Variants in LMX1B observed in about 807,000 individuals in gnomAD.
LMX1B encodes the protein LIM homeobox transcription factor 1-beta.
A neutral mutation model predicts 51.4 loss-of-function variants in LMX1B; 12 were observed. That is an observed-to-expected ratio of 0.23 (90% CI 0.15 to 0.38). The LOEUF is 0.38. LMX1B is among the 10% of genes least tolerant of loss of function. The pLI is 1.00. For synonymous variants in LMX1B, 237 were observed against 235.4 expected, an observed-to-expected ratio of 1.01 and a Z score of -0.06; for missense variants, 445 against 571.1, an observed-to-expected ratio of 0.78 and a Z score of 2.25.
chr9:126,696,291 C>T lies in LMX1B; in HGVS notation c.1052-3C>T. The T allele has an allele frequency of 3.1e-6, 5 of 1,614,022 alleles. No individual in the cohort carries two copies. Among genetic ancestry groups the T allele is most frequent in the Non-Finnish European group, 4.2e-6 (5 of 1,179,916 alleles). On this transcript the variant is annotated splice_region_variant and splice_polypyrimidine_tract_variant and intron_variant, in intron 7 of 7. Coordinates refer to ENST00000373474, the MANE Select transcript of LMX1B (RefSeq NM_001174147.2). ...CGGTCCTGACACCCCTTCTGCCCCCCAGGGAACGACTCCATCTTCCATGAC... is the reference window on the plus strand; with the variant it reads ...CGGTCCTGACACCCCTTCTGCCCCCTAGGGAACGACTCCATCTTCCATGAC...
chr9:126,617,173 G>A (rs1419481451), intron 2 of LMX1B, among the ~76,000 whole-genome samples: 1 of 152,168 alleles, frequency 6.6e-6, no homozygotes, highest in Admixed American at 6.5e-5. Context: ...ATGTGGCTGT[G>A]GGCTCTGGGC....
Position 126,625,781 on chromosome 9 carries a change from C to G in LMX1B, c.326+10212C>G, listed in dbSNP as rs938076378. Among the ~76,000 whole-genome samples, 4 of 152,228 alleles carry G rather than the reference C, an allele frequency of 2.6e-5. No individual in the cohort carries two copies. Among genetic ancestry groups the G allele is most frequent in the Non-Finnish European group, 4.4e-5 (3 of 68,030 alleles). On this transcript the variant is annotated intron_variant, in intron 2 of 7. Transcript: ENST00000373474. This position sits in a 1 kb window ranked among gnomAD's most constrained non-coding sequence, Gnocchi z 5.3. Reference sequence around the variant, plus strand: ...GCGCTCTGGCCGCAGAGACCCAGCCCTGTCTGCCGACTGGCCCTTCGACGT... The same window carrying G: ...GCGCTCTGGCCGCAGAGACCCAGCCGTGTCTGCCGACTGGCCCTTCGACGT...
chr9:126,683,500 C>T (rs924894384), intron 2 of LMX1B, among the ~76,000 whole-genome samples: 4 of 152,202 alleles, frequency 2.6e-5, no homozygotes, highest in Admixed American at 6.5e-5. Context: ...AAGTGACAGG[C>T]TGACTCTAGC....
intron 2 of LMX1B, among the ~76,000 whole-genome samples, chr9:126,640,058 G>A (rs1222518654): frequency 1.3e-5 from 2 of 152,206 alleles, no homozygotes; most frequent in African/African-American, 4.8e-5. Flanking sequence ...TGGCGGGATG[G>A]CCCAGATTTT....
At position 126,615,725 on chromosome 9, in the gene LMX1B, G is replaced by C. The variant is rs1835291805; in HGVS notation, c.326+156G>C. Among the ~76,000 whole-genome samples the C allele has an allele frequency of 1.3e-5, 2 of 152,042 alleles. No individual in the cohort carries two copies. Among genetic ancestry groups the C allele is most frequent in the Non-Finnish European group, 2.9e-5 (2 of 67,994 alleles). Reference sequence around the variant, plus strand: ...CCGAGAGCTGCGCGTCTTGGGGCTGGGGCGGACCAGCCCAGCCCAGCGGGC... The same window carrying C: ...CCGAGAGCTGCGCGTCTTGGGGCTGCGGCGGACCAGCCCAGCCCAGCGGGC... On this transcript the variant is annotated intron_variant, in intron 2 of 7. Transcript: ENST00000373474. The surrounding 1 kb of genome is among the most constrained non-coding windows in gnomAD (Gnocchi z 6.0).
At chr9:126,665,295 C>A (rs1032315074) in intron 2 of LMX1B, among the ~76,000 whole-genome samples, 11 of 152,218 alleles carry the variant, frequency 7.2e-5, no homozygotes, top group African/African-American at 2.2e-4. Flanking sequence ...GTTGGGCCTC[C>A]CCCTGGAGCC....
intron 2 of LMX1B, among the ~76,000 whole-genome samples, chr9:126,645,614 C>G (rs1283392448): frequency 6.6e-6 from 1 of 151,750 alleles, no homozygotes; most frequent in East Asian, 1.9e-4. Flanking sequence ...CAGTGTAGAT[C>G]CCTTAAGTCA....
intron 2 of LMX1B, among the ~76,000 whole-genome samples, chr9:126,665,632 C>T (rs961225580): frequency 6.6e-6 from 1 of 152,208 alleles, no homozygotes; most frequent in Non-Finnish European, 1.5e-5. Flanking sequence ...CTGATCTGGA[C>T]CACTCCTTCC....
rs1006033757 is a variant in LMX1B at position 126,695,094 on chromosome 9, C to T, written c.887-745C>T. On this transcript the variant is annotated intron_variant, in intron 6 of 7. Coordinates refer to ENST00000373474, the MANE Select transcript of LMX1B (RefSeq NM_001174147.2). The surrounding 1 kb of genome is among the most constrained non-coding windows in gnomAD (Gnocchi z 5.2). Reference sequence around the variant, plus strand: ...GAGTGAAGTCTTCTCATGTCTCTCGCACCCTCCTAGGAGCTGTCTCTCCCA... The same window carrying T: ...GAGTGAAGTCTTCTCATGTCTCTCGTACCCTCCTAGGAGCTGTCTCTCCCA... Among the ~76,000 whole-genome samples, 3 of 152,166 alleles carry T rather than the reference C, an allele frequency of 2.0e-5. No individual in the cohort carries two copies. The highest frequency in any genetic ancestry group is 4.8e-5 in the African/African-American group (2 of 41,426).
At chr9:126,653,416 G>A (rs1836057977) in intron 2 of LMX1B, among the ~76,000 whole-genome samples, 1 of 151,976 alleles carries the variant, frequency 6.6e-6, no homozygotes, top group South Asian at 2.1e-4. Flanking sequence ...TTGACCTCCC[G>A]AAGTGTTGGG....
intron 2 of LMX1B, among the ~76,000 whole-genome samples, chr9:126,685,941 G>A (rs892542845): frequency 1.3e-5 from 2 of 152,120 alleles, no homozygotes; most frequent in African/African-American, 4.8e-5. Flanking sequence ...CATGCAGTCT[G>A]GACCTTAAGA....
Position 126,696,016 on chromosome 9 carries a change from A to ACCGGGGC in LMX1B, c.1051+15_1051+16insGGGGCCC. ...ATGAACCCCTATGGTAAGCCGCCCT[A>ACCGGGGC]CCCCCACCCGCCCGCCCCAGCACAG... On this transcript the variant is annotated intron_variant, in intron 7 of 7. Coordinates refer to ENST00000373474, the MANE Select transcript of LMX1B (RefSeq NM_001174147.2). The ACCGGGGC allele has an allele frequency of 6.6e-7, 1 of 1,512,690 alleles. No homozygotes were observed. Among genetic ancestry groups the ACCGGGGC allele is most frequent in the East Asian group, 2.4e-5 (1 of 41,104 alleles). 93.7% of individuals were successfully genotyped at this position (1,512,690 alleles called of 1,614,324 possible).
chr9:126,615,453 A>C lies in LMX1B; in HGVS notation c.210A>C (p.Arg70=), dbSNP rs374685767. The part of the protein sequence containing the change: ...QRPISDRFLM[R]VNESSWHEEC... Reference sequence around the variant, plus strand: ...CCATCTCCGACCGCTTCCTGATGCGAGTCAACGAGTCGTCCTGGCACGAGG... The same window carrying C: ...CCATCTCCGACCGCTTCCTGATGCGCGTCAACGAGTCGTCCTGGCACGAGG... The change falls in exon 2 of 8, where the codon CGA becomes CGC. Residue 70 remains arginine, a synonymous_variant. Transcript: ENST00000373474. The surrounding 1 kb of genome is among the most constrained non-coding windows in gnomAD (Gnocchi z 6.0). The C allele has an allele frequency of 5.0e-6, 8 of 1,609,354 alleles. No homozygotes were observed. In the African/African-American group the frequency reaches 1.1e-4, roughly 22 times the overall value.
chr9:126,618,862 C>T lies in LMX1B; in HGVS notation c.326+3293C>T, dbSNP rs776033011. Among the ~76,000 whole-genome samples the T allele has an allele frequency of 1.3e-5, 2 of 152,082 alleles. No homozygotes were observed. Among genetic ancestry groups the T allele is most frequent in the Non-Finnish European group, 1.5e-5 (1 of 68,006 alleles). On this transcript the variant is annotated intron_variant, in intron 2 of 7. Transcript: ENST00000373474. The surrounding 1 kb of genome is among the most constrained non-coding windows in gnomAD (Gnocchi z 4.5). ...TGGAGTCTAATCGCTTGTAAGACAG[C>T]TCCCAGGTTTGGCGACCCGAGACCC...
At position 126,671,770 on chromosome 9, in the gene LMX1B, G is replaced by T. The variant is rs1836457718; in HGVS notation, c.327-19066G>T. On this transcript the variant is annotated intron_variant, in intron 2 of 7. Coordinates refer to ENST00000373474, the MANE Select transcript of LMX1B (RefSeq NM_001174147.2). The surrounding 1 kb of genome is among the most constrained non-coding windows in gnomAD (Gnocchi z 4.4). ...AATATCCTGTGGGCTTACTCGGGGA[G>T]AGTGAGCGAGCCAGCTCCCTCCAGG... Among the ~76,000 whole-genome samples the T allele has an allele frequency of 6.6e-6, 1 of 152,252 alleles. No individual in the cohort carries two copies. Among genetic ancestry groups the T allele is most frequent in the South Asian group, 2.1e-4 (1 of 4,822 alleles).
chr9:126,616,613 G>A (rs1229333860), intron 2 of LMX1B, among the ~76,000 whole-genome samples: 1 of 152,224 alleles, frequency 6.6e-6, no homozygotes, highest in African/African-American at 2.4e-5. Flanking sequence ...CTGCAGAGCG[G>A]GTAGGCTGCT....
At position 126,641,524 on chromosome 9, in the gene LMX1B, T is replaced by C. The variant is rs1835807908; in HGVS notation, c.326+25955T>C. 6.6e-6 allele frequency among the ~76,000 whole-genome samples: 1 copy of C among 152,044 alleles called. No individual in the cohort carries two copies. The highest frequency in any genetic ancestry group is 2.1e-4 in the South Asian group (1 of 4,824). On this transcript the variant is annotated intron_variant, in intron 2 of 7. Transcript: ENST00000373474. This position sits in a 1 kb window ranked among gnomAD's most constrained non-coding sequence, Gnocchi z 4.1. ...TTAGCCATGGTGCCTGATAGTATGG[T>C]CTTCTCGGGCCTGAGCTGGGCTGGG...
chr9:126,622,316 G>A (rs1455886799), intron 2 of LMX1B, among the ~76,000 whole-genome samples: 1 of 152,204 alleles, frequency 6.6e-6, no homozygotes, highest in Non-Finnish European at 1.5e-5. Flanking sequence ...CTTCCTGGCC[G>A]GGCCAGTGCT....
chr9:126,640,234 G>A (rs1052439809), intron 2 of LMX1B, among the ~76,000 whole-genome samples: 2 of 152,212 alleles, frequency 1.3e-5, no homozygotes, highest in African/African-American at 4.8e-5. Flanking sequence ...GGGAGCTGGG[G>A]CTGAGGTGTG....
Sources: gnomAD v4.1 joint callset for allele counts (sites outside exome capture counted in the v4.1 genomes callset) on GRCh38, gnomAD v4.1.1 for gene constraint, Gnocchi (gnomAD v3.1) non-coding constraint, MANE v1.5 for transcripts, NCBI Gene and HGNC (gene_info 2026-07-23, HGNC 2026-07-21) for gene names.